The following GALNTL6 variants were observed in gnomAD, a reference collection of about 807,000 sequenced individuals.
GALNTL6 encodes the protein polypeptide N-acetylgalactosaminyltransferase-like 6.
A neutral mutation model predicts 73.7 loss-of-function variants in GALNTL6; 46 were observed. The ratio of observed to expected loss-of-function variants is 0.62; its 90% confidence interval spans 0.49 to 0.80. The LOEUF is 0.80. GALNTL6 is among the 30% of genes least tolerant of loss of function. The pLI, the probability that GALNTL6 is intolerant of heterozygous loss-of-function variation, is 0.00. For missense variants in GALNTL6, 604 were observed against 755.0 expected, an observed-to-expected ratio of 0.80 and a Z score of 2.34; for synonymous variants, 259 against 263.7, an observed-to-expected ratio of 0.98 and a Z score of 0.17.
intron 2 of GALNTL6, among the ~76,000 whole-genome samples, chr4:172,181,061 T>C (rs1386558422): frequency 6.6e-6 from 1 of 152,112 alleles, no homozygotes; most frequent in Non-Finnish European, 1.5e-5. Context: ...AGTATGACCA[T>C]TTTCGTCATA....
At chr4:172,512,704 T>C (rs1480486494) in intron 5 of GALNTL6, among the ~76,000 whole-genome samples, 1 of 152,180 alleles carries the variant, frequency 6.6e-6, no homozygotes, top group East Asian at 1.9e-4. Flanking sequence ...TTTATAAGAC[T>C]TTGTTTAGCT....
intron 5 of GALNTL6, among the ~76,000 whole-genome samples, chr4:172,608,541 T>C (rs963693571): frequency 5.9e-5 from 9 of 152,198 alleles, no homozygotes; most frequent in African/African-American, 1.9e-4. Context: ...AGCTTTATAG[T>C]ATAGTTTAAA....
At chr4:171,873,506 T>G (rs1461982796) in intron 2 of GALNTL6, among the ~76,000 whole-genome samples, 1 of 152,202 alleles carries the variant, frequency 6.6e-6, no homozygotes, top group East Asian at 1.9e-4. Context: ...ATACCCATCA[T>G]GCTCAGAATC....
At chr4:171,980,210 A>G (rs972682169) in intron 2 of GALNTL6, among the ~76,000 whole-genome samples, 1 of 152,204 alleles carries the variant, frequency 6.6e-6, no homozygotes, top group African/African-American at 2.4e-5. Flanking sequence ...GAAAAAAATT[A>G]AAAACCATTC....
chr4:172,354,129 C>CA (rs1272430816), intron 5 of GALNTL6, among the ~76,000 whole-genome samples: 1 of 152,012 alleles, frequency 6.6e-6, no homozygotes, highest in Non-Finnish European at 1.5e-5. Context: ...CGACAGTCGA[C>CA]AAAAATGTTT....
At chr4:172,199,088 T>C (rs1436563036) in intron 2 of GALNTL6, among the ~76,000 whole-genome samples, 1 of 152,124 alleles carries the variant, frequency 6.6e-6, no homozygotes. Context: ...TTGGATTCCT[T>C]GAGAGCAGAC....
At chr4:172,361,620 T>C (rs1271835991) in intron 5 of GALNTL6, among the ~76,000 whole-genome samples, 1 of 152,142 alleles carries the variant, frequency 6.6e-6, no homozygotes, top group Non-Finnish European at 1.5e-5. Flanking sequence ...AATATCAGTG[T>C]ATTCTATTCA....
At chr4:172,498,468 GCAAA>G (rs934696016) in intron 5 of GALNTL6, among the ~76,000 whole-genome samples, 25 of 151,940 alleles carry the variant, frequency 1.6e-4, no homozygotes, top group Non-Finnish European at 7.4e-5. Flanking sequence ...CTAATATTAT[GCAAA>G]CATTCATTTT....
chr4:171,844,468 C>T (rs1365278240), intron 2 of GALNTL6, among the ~76,000 whole-genome samples: 1 of 152,108 alleles, frequency 6.6e-6, no homozygotes, highest in Non-Finnish European at 1.5e-5. Context: ...TTGTAAAACT[C>T]TTGGTGACAT....
intron 5 of GALNTL6, among the ~76,000 whole-genome samples, chr4:172,621,229 T>G (rs889063173): frequency 1.3e-5 from 2 of 152,206 alleles, no homozygotes; most frequent in African/African-American, 4.8e-5. Context: ...TTTTAAATTT[T>G]TATTTTGTAA....
intron 2 of GALNTL6, among the ~76,000 whole-genome samples, chr4:171,856,580 T>C (rs1186474135): frequency 6.6e-6 from 1 of 152,228 alleles, no homozygotes; most frequent in East Asian, 1.9e-4. Context: ...TATTTTGAGT[T>C]AATTTTTGTG....
intron 5 of GALNTL6, among the ~76,000 whole-genome samples, chr4:172,635,733 T>C (rs889162412): frequency 4.6e-5 from 7 of 152,182 alleles, no homozygotes; most frequent in Non-Finnish European, 8.8e-5. Context: ...GATCCAAGTT[T>C]GGCACAATTA....
At chr4:172,615,703 G>C (rs1428035305) in intron 5 of GALNTL6, among the ~76,000 whole-genome samples, 1 of 152,124 alleles carries the variant, frequency 6.6e-6, no homozygotes, top group Non-Finnish European at 1.5e-5. Flanking sequence ...TGAATCCATT[G>C]AGTAGAACTG....
chr4:172,951,889 A>G (rs1749460420), intron 9 of GALNTL6, 148 bp from the exon 10 acceptor site: 1 of 612,712 alleles, frequency 1.6e-6, no homozygotes, highest in Non-Finnish European at 2.9e-6. Flanking sequence ...TGCTGTTACT[A>G]AAACTCTCAT....
intron 5 of GALNTL6, among the ~76,000 whole-genome samples, chr4:172,494,933 C>G (rs919481427): frequency 1.3e-5 from 2 of 152,186 alleles, no homozygotes; most frequent in Admixed American, 1.3e-4. Flanking sequence ...CAGACACACC[C>G]AGGAACAATA....
chr4:172,135,479 A>G (rs1205751798), intron 2 of GALNTL6, among the ~76,000 whole-genome samples: 1 of 152,082 alleles, frequency 6.6e-6, no homozygotes, highest in Non-Finnish European at 1.5e-5. Context: ...AATAAAAGCA[A>G]TAACAAATTC....
At chr4:172,307,700 G>A (rs1213067696) in intron 3 of GALNTL6, among the ~76,000 whole-genome samples, 1 of 152,072 alleles carries the variant, frequency 6.6e-6, no homozygotes, top group African/African-American at 2.4e-5. Context: ...TCTCAATTCT[G>A]TTCCAGTGGT....
chr4:172,257,878 A>G (rs1738135379), intron 3 of GALNTL6, among the ~76,000 whole-genome samples: 2 of 151,264 alleles, frequency 1.3e-5, no homozygotes, highest in African/African-American at 4.8e-5. Flanking sequence ...TGATTTCCTA[A>G]TAAGATCATG....
At chr4:172,501,697 T>C (rs142206411) in intron 5 of GALNTL6, among the ~76,000 whole-genome samples, 5 of 152,296 alleles carry the variant, frequency 3.3e-5, no homozygotes, top group African/African-American at 9.6e-5. Flanking sequence ...TCTCAGCATA[T>C]AGACCTTGTA....
Sources: gnomAD v4.1 joint callset for allele counts (sites outside exome capture counted in the v4.1 genomes callset) on GRCh38, gnomAD v4.1.1 for gene constraint, MANE v1.5 for transcripts, NCBI Gene and HGNC (gene_info 2026-07-23, HGNC 2026-07-21) for gene names.